WDR27: variants seen among roughly 807,000 people sequenced by gnomAD.
WDR27 encodes the protein WD repeat domain 27.
Under a neutral mutation model 114.4 loss-of-function variants are expected in WDR27, and 100 were observed. That is an observed-to-expected ratio of 0.87 (90% CI 0.74 to 1.03). The LOEUF (loss-of-function observed/expected upper bound fraction) is 1.03. Ranked by LOEUF, WDR27 falls within the 50% of genes least tolerant of loss-of-function variation. WDR27 has a pLI of 0.00. For missense variants in WDR27, 1,129 were observed against 1,092.9 expected (o/e 1.03, Z -0.47); for synonymous variants, 449 against 423.1 (o/e 1.06, Z -0.75).
At chr6:169,652,085 C>G in intron 13 of WDR27, 77 bp from the exon 14 acceptor site, 1 of 1,280,982 alleles carries the variant, frequency 7.8e-7, no homozygotes, top group South Asian at 1.3e-5. Flanking sequence ...AGAACAGAGT[C>G]TCTTCAAAAC....
At chr6:169,555,699 A>G (rs1798772033) in intron 25 of WDR27, among the ~76,000 whole-genome samples, 2 of 152,060 alleles carry the variant, frequency 1.3e-5, no homozygotes, top group Admixed American at 6.5e-5. Flanking sequence ...ACATTAGGAG[A>G]GACAATAATT....
intron 25 of WDR27, among the ~76,000 whole-genome samples, chr6:169,481,181 A>T (rs555769643): frequency 2.0e-5 from 3 of 152,152 alleles, no homozygotes; most frequent in Non-Finnish European, 4.4e-5. Context: ...GTGTCTAGCT[A>T]ATCTAGTGGG....
chr6:169,440,101 A>G, the WDR27 span, among the ~76,000 whole-genome samples: 1 of 152,118 alleles, frequency 6.6e-6, no homozygotes, highest in African/African-American at 2.4e-5. Flanking sequence ...TATGCTTGCT[A>G]TACTAATATA....
At position 169,659,819 on chromosome 6, in the gene WDR27, AT is replaced by A. The variant is rs1482110315; in HGVS notation, c.1130-302del. On this transcript the variant is annotated intron_variant, in intron 10 of 25. Transcript: ENST00000448612. This position sits in a 1 kb window ranked among gnomAD's most constrained non-coding sequence, Gnocchi z 4.3. ...CAGCTCAGCCTCCTGGAGAAGCCAC[AT>A]GTCCAGCACCAGATCAGAAAGGAAA... Among the ~76,000 whole-genome samples the A allele has an allele frequency of 6.6e-6, 1 of 152,066 alleles. No homozygotes were observed. Among genetic ancestry groups the A allele is most frequent in the Non-Finnish European group, 1.5e-5 (1 of 68,008 alleles).
At chr6:169,533,905 T>A (rs1795914734) in intron 25 of WDR27, among the ~76,000 whole-genome samples, 1 of 152,170 alleles carries the variant, frequency 6.6e-6, no homozygotes, top group Admixed American at 6.5e-5. Flanking sequence ...TCTGCCTAAC[T>A]GCCCTAACTA....
chr6:169,693,407 C>T (rs1320548588), intron 1 of WDR27, among the ~76,000 whole-genome samples: 1 of 152,076 alleles, frequency 6.6e-6, no homozygotes, highest in South Asian at 2.1e-4. Context: ...ATCTCACAGG[C>T]CCTTAAACAA....
intron 25 of WDR27, among the ~76,000 whole-genome samples, chr6:169,462,531 T>C (rs1785050495): frequency 6.7e-6 from 1 of 149,160 alleles, no homozygotes; most frequent in Non-Finnish European, 1.5e-5. Context: ...CTAGACTCGA[T>C]GGCTTTGCCA....
rs898351195 is a variant in WDR27, at chr6:169,662,994, G to A, written c.905-570C>T. ...ACCCAGCATGACGCGTGTGCACCACGGAGTCACTCGGATCACGCGTCGAGG... is the reference window on the plus strand; with the variant it reads ...ACCCAGCATGACGCGTGTGCACCACAGAGTCACTCGGATCACGCGTCGAGG... On this transcript the variant is annotated intron_variant, in intron 8 of 25. Coordinates refer to ENST00000448612, the MANE Select transcript of WDR27 (RefSeq NM_182552.5). 7.3e-5 allele frequency among the ~76,000 whole-genome samples: 11 copies of A among 150,858 alleles called. No homozygotes were observed. In the South Asian group the frequency reaches 1.1e-3, roughly 14 times the overall value.
chr6:169,528,820 C>A (rs1795244388), intron 25 of WDR27, among the ~76,000 whole-genome samples: 1 of 152,182 alleles, frequency 6.6e-6, no homozygotes, highest in Non-Finnish European at 1.5e-5. Context: ...AGCCATCACA[C>A]CTGGCCTAAA....
chr6:169,547,234 C>A (rs1797567854), intron 25 of WDR27, among the ~76,000 whole-genome samples: 1 of 151,950 alleles, frequency 6.6e-6, no homozygotes, highest in Non-Finnish European at 1.5e-5. Context: ...TGAATTATAC[C>A]AGATATTTAA....
chr6:169,615,164 AAACTC>A (rs1469221135), intron 21 of WDR27, among the ~76,000 whole-genome samples: 2 of 152,320 alleles, frequency 1.3e-5, no homozygotes, highest in African/African-American at 4.8e-5. Flanking sequence ...CAAACAGACT[AAACTC>A]AACAAGGAAA....
chr6:169,676,568 G>A (rs1054116478), intron 2 of WDR27, among the ~76,000 whole-genome samples: 1 of 152,074 alleles, frequency 6.6e-6, no homozygotes, highest in Non-Finnish European at 1.5e-5. Context: ...CTAAGACTCT[G>A]GCACTTTTTA....
At position 169,670,674 on chromosome 6, in the gene WDR27, A is replaced by G. The variant is rs1778483890; in HGVS notation, c.351T>C (p.Thr117=). Residue 117 remains threonine (T), a synonymous_variant, in exon 4 of 26, where the codon ACT becomes ACC. Coordinates refer to ENST00000448612, the MANE Select transcript of WDR27 (RefSeq NM_182552.5). The part of the protein sequence containing the change: ...KVLQGLVPRG[T]VMGSLLGKVL... ...CCTTTCCCAAAAGCGAGCCCATGAC[A>G]GTCCCTCGAGGGACCAGCCCTAGAG... is the stretch of plus-strand genomic sequence containing the variant. The G allele has an allele frequency of 1.2e-6, 2 of 1,613,906 alleles. No homozygotes were observed. The highest frequency in any genetic ancestry group is 2.2e-5 in the South Asian group (2 of 91,088).
chr6:169,586,196 T>C (rs1221486358), intron 23 of WDR27, among the ~76,000 whole-genome samples: 1 of 152,198 alleles, frequency 6.6e-6, no homozygotes, highest in East Asian at 1.9e-4. Context: ...AAACCATTTT[T>C]GCCATATCCA....
chr6:169,602,176 A>C (rs200950437), intron 23 of WDR27, 43 bp downstream of exon 23: 1 of 1,415,942 alleles, frequency 7.1e-7, no homozygotes, highest in Non-Finnish European at 9.6e-7. Context: ...ACATTACCAA[A>C]GTCTAGACTC....
At chr6:169,585,139 C>A (rs977904587) in intron 23 of WDR27, among the ~76,000 whole-genome samples, 8 of 152,062 alleles carry the variant, frequency 5.3e-5, no homozygotes, top group African/African-American at 1.9e-4. Context: ...CTTTATTTTA[C>A]CATACATAAA....
At position 169,613,540 on chromosome 6, in the gene WDR27, G is replaced by A. The variant is rs1314482412; in HGVS notation, c.2321+19C>T. On this transcript the variant is annotated intron_variant, in intron 22 of 25. Coordinates refer to ENST00000448612, the MANE Select transcript of WDR27 (RefSeq NM_182552.5). Reference sequence around the variant, plus strand: ...TTGAGCTCCCCACCCCTGCAGTGCAGGGCGCAGGACAGCCTTACCTCAGGG... The same window carrying A: ...TTGAGCTCCCCACCCCTGCAGTGCAAGGCGCAGGACAGCCTTACCTCAGGG... 3 of 1,603,802 alleles carry A rather than the reference G, an allele frequency of 1.9e-6. No homozygotes were observed. The African/African-American group carries it at 4.0e-5, about 21-fold the overall frequency.
At position 169,670,650 on chromosome 6, in the gene WDR27, C is replaced by T; in HGVS notation, c.375G>A (p.Lys125=). 1 of 1,613,988 alleles carries T rather than the reference C, an allele frequency of 6.2e-7. No individual in the cohort carries two copies. The highest frequency in any genetic ancestry group is 1.3e-5 in the African/African-American group (1 of 75,030). ...RGTVMGSLLG[K]VLCLQLSLDD... is the part of the protein sequence containing the mutation. ...CCAGGCTCAACTGTAAACACAGCAC[C>T]TTTCCCAAAAGCGAGCCCATGACAG... Residue 125 remains lysine (K), a synonymous_variant, in exon 4 of 26, where the codon AAG becomes AAA. Coordinates refer to ENST00000448612, the MANE Select transcript of WDR27 (RefSeq NM_182552.5).
At chr6:169,646,915 T>C (rs1384349939) in intron 16 of WDR27, among the ~76,000 whole-genome samples, 1 of 152,300 alleles carries the variant, frequency 6.6e-6, no homozygotes, top group East Asian at 1.9e-4. Flanking sequence ...CTTCTTTGGC[T>C]ACAATTATAT....
Sources: gnomAD v4.1 joint callset for allele counts (sites outside exome capture counted in the v4.1 genomes callset) on GRCh38, gnomAD v4.1.1 for gene constraint, Gnocchi (gnomAD v3.1) non-coding constraint, MANE v1.5 for transcripts, NCBI Gene and HGNC (gene_info 2026-07-23, HGNC 2026-07-21) for gene names.